ST8SIA4: variants seen among roughly 807,000 people sequenced by gnomAD.
The protein encoded by ST8SIA4 is ST8 alpha-N-acetyl-neuraminide alpha-2,8-sialyltransferase 4.
Under a neutral mutation model 33.9 loss-of-function variants are expected in ST8SIA4, and 15 were observed. That is an observed-to-expected ratio of 0.44 (90% CI 0.30 to 0.68). The LOEUF is 0.68. ST8SIA4 is among the 30% of genes least tolerant of loss of function. ST8SIA4 has a pLI of 0.10. For missense variants in ST8SIA4, 321 were observed against 428.0 expected (o/e 0.75, Z 2.21); for synonymous variants, 171 against 151.2 (o/e 1.13, Z -0.96).
intron 1 of ST8SIA4, among the ~76,000 whole-genome samples, chr5:100,897,550 C>T (rs1045951693): frequency 1.2e-4 from 18 of 152,108 alleles, no homozygotes; most frequent in African/African-American, 4.3e-4. Flanking sequence ...AAGTCTAAAA[C>T]TGTGTTTTTT....
chr5:100,882,224 G>C (rs1210873691), intron 3 of ST8SIA4, among the ~76,000 whole-genome samples: 1 of 152,176 alleles, frequency 6.6e-6, no homozygotes, highest in Non-Finnish European at 1.5e-5. Context: ...GTCTCAGATG[G>C]AGATGAGGAA....
chr5:100,842,783 C>A (rs1004580102), intron 4 of ST8SIA4, among the ~76,000 whole-genome samples: 18 of 151,340 alleles, frequency 1.2e-4, no homozygotes, highest in Non-Finnish European at 4.4e-5. Flanking sequence ...TAAGATTCAC[C>A]AGTGAAAAGA....
chr5:100,889,444 G>A (rs975658127), intron 2 of ST8SIA4, among the ~76,000 whole-genome samples: 1 of 151,904 alleles, frequency 6.6e-6, no homozygotes, highest in Non-Finnish European at 1.5e-5. Context: ...AAGCTGCAGT[G>A]AGTAAACTAG....
At chr5:100,880,242 C>T (rs1752387595) in intron 3 of ST8SIA4, among the ~76,000 whole-genome samples, 1 of 152,108 alleles carries the variant, frequency 6.6e-6, no homozygotes, top group South Asian at 2.1e-4. Flanking sequence ...GCAGGCAAAG[C>T]TTGCCTTGCA....
In ST8SIA4 at chr5:100,808,151, C is replaced by T. The variant is rs1750732588; in HGVS notation, c.*3696G>A. On this transcript the variant is annotated 3_prime_UTR_variant, in exon 5 of 5. Coordinates refer to ENST00000231461, the MANE Select transcript of ST8SIA4 (RefSeq NM_005668.6). ...TTATATGCATTATGTCTAACTGGCT[C>T]AATTAGAAATAAATTAATTTGTTCA... 6.6e-6 allele frequency: 1 copy of T among 152,470 alleles called. No homozygotes were observed. 9.4% of individuals were successfully genotyped at this position (152,470 alleles called of 1,614,324 possible). A position where few individuals can be genotyped will look rare whatever the true frequency, so the allele number is the denominator to read the frequency against.
In ST8SIA4 at chr5:100,875,127, A is replaced by G. The variant is rs183245847; in HGVS notation, c.503+11216T>C. Among the ~76,000 whole-genome samples, 309 of 152,322 alleles carry G rather than the reference A, an allele frequency of 2.0e-3. 2 individuals carry two copies. Among genetic ancestry groups the G allele is most frequent in the African/African-American group, 7.2e-3 (298 of 41,584 alleles). ...CTAGACAATCCCCTGAACTGTATGT[A>G]AAGTCTAAAAGTGGGTCAAAGTATT... On this transcript the variant is annotated intron_variant, in intron 3 of 4. Transcript: ENST00000231461.
chr5:100,889,021 A>G (rs1432476043), intron 2 of ST8SIA4, among the ~76,000 whole-genome samples: 1 of 151,902 alleles, frequency 6.6e-6, no homozygotes, highest in Admixed American at 6.6e-5. Context: ...CTGACACACC[A>G]TAACAGTTTA....
intron 4 of ST8SIA4, among the ~76,000 whole-genome samples, chr5:100,817,596 G>GACTAGAA (rs1463915765): frequency 6.6e-6 from 1 of 152,162 alleles, no homozygotes; most frequent in Non-Finnish European, 1.5e-5. Flanking sequence ...CTAGTCTGCA[G>GACTAGAA]TATATTACAT....
chr5:100,857,861 C>T (rs1214262415), intron 3 of ST8SIA4, among the ~76,000 whole-genome samples: 2 of 151,898 alleles, frequency 1.3e-5, no homozygotes, highest in Non-Finnish European at 2.9e-5. Context: ...AATATTAACA[C>T]AATAATATTA....
chr5:100,885,691 A>G, intron 3 of ST8SIA4: 3 of 940,796 alleles, frequency 3.2e-6, no homozygotes, highest in Non-Finnish European at 3.8e-6. Flanking sequence ...TTATAATTCC[A>G]TTTCTACTGT....
At chr5:100,850,831 CAA>C (rs1286340256) in intron 4 of ST8SIA4, among the ~76,000 whole-genome samples, 1 of 148,192 alleles carries the variant, frequency 6.7e-6, no homozygotes, top group African/African-American at 2.5e-5. Context: ...TATAAACAGA[CAA>C]AAAGGATAGA....
At chr5:100,856,473 G>A (rs1275515616) in intron 3 of ST8SIA4, 77 bp from the exon 4 acceptor site, 2 of 1,372,180 alleles carry the variant, frequency 1.5e-6, no homozygotes, top group African/African-American at 3.0e-5. Flanking sequence ...ATGAAAAGAA[G>A]AATGGGAAAT....
intron 3 of ST8SIA4, among the ~76,000 whole-genome samples, chr5:100,869,945 C>T (rs1208588870): frequency 6.6e-6 from 1 of 152,080 alleles, no homozygotes; most frequent in Admixed American, 6.6e-5. Context: ...TGTGCTGCAC[C>T]CATTAACTCA....
chr5:100,816,906 A>T (rs1386393972), intron 4 of ST8SIA4, among the ~76,000 whole-genome samples: 1 of 151,220 alleles, frequency 6.6e-6, no homozygotes, highest in Non-Finnish European at 1.5e-5. Context: ...GTCTGCAGTA[A>T]TTTGAGATAT....
intron 2 of ST8SIA4, among the ~76,000 whole-genome samples, chr5:100,887,337 G>C (rs1194104001): frequency 6.6e-6 from 1 of 151,984 alleles, no homozygotes; most frequent in Non-Finnish European, 1.5e-5. Flanking sequence ...TTGGGCACAT[G>C]GATGCTCAGC....
chr5:100,900,580 G>A, intron 1 of ST8SIA4: 1 of 446,584 alleles, frequency 2.2e-6, no homozygotes, highest in Non-Finnish European at 4.5e-6. Context: ...ATTGTTCCTG[G>A]CAGCTCCAAC....
intron 3 of ST8SIA4, among the ~76,000 whole-genome samples, chr5:100,861,157 T>C (rs1186238045): frequency 6.6e-6 from 1 of 151,962 alleles, no homozygotes; most frequent in African/African-American, 2.4e-5. Context: ...GCATGTTCAG[T>C]ATGATGAATA....
intron 2 of ST8SIA4, among the ~76,000 whole-genome samples, chr5:100,889,431 T>G (rs1752611849): frequency 6.6e-6 from 1 of 151,958 alleles, no homozygotes; most frequent in Non-Finnish European, 1.5e-5. Context: ...GTGGCATGTT[T>G]GCAAGCTGCA....
chr5:100,814,541 A>G (rs1378563426), intron 4 of ST8SIA4, among the ~76,000 whole-genome samples: 1 of 152,020 alleles, frequency 6.6e-6, no homozygotes, highest in Non-Finnish European at 1.5e-5. Context: ...AGTGTCACAG[A>G]AAGATACACC....
Sources: gnomAD v4.1 joint callset for allele counts (sites outside exome capture counted in the v4.1 genomes callset) on GRCh38, gnomAD v4.1.1 for gene constraint, MANE v1.5 for transcripts, NCBI Gene and HGNC (gene_info 2026-07-23, HGNC 2026-07-21) for gene names.